CRYZL1: variants seen among roughly 807,000 people sequenced by gnomAD.
The protein encoded by CRYZL1 is crystallin zeta like 1, also known as ferry endosomal RAB5 effector complex subunit 4.
In CRYZL1, 34 loss-of-function variants were observed where a neutral mutation model predicts 50.6. The observed-to-expected ratio is 0.67, with a 90% confidence interval of 0.51 to 0.89. The LOEUF is 0.89. Among genes scored for constraint, CRYZL1 ranks in the 40% least tolerant of loss-of-function variants. The pLI is 0.00. For missense variants in CRYZL1, 354 were observed against 402.3 expected, an observed-to-expected ratio of 0.88 and a Z score of 1.03; for synonymous variants, 125 against 134.3, an observed-to-expected ratio of 0.93 and a Z score of 0.48.
At chr21:33,621,972 A>G (rs1279128863) in intron 4 of CRYZL1, 24 bp downstream of exon 4, 14 of 1,507,104 alleles carry the variant, frequency 9.3e-6, no homozygotes, top group Non-Finnish European at 1.3e-5. Context: ...AAATAAATAC[A>G]TATACTCACA....
At chr21:33,613,748 A>C in intron 5 of CRYZL1, 142 bp from the exon 6 acceptor site, 1 of 640,856 alleles carries the variant, frequency 1.6e-6, no homozygotes, top group Non-Finnish European at 2.8e-6. Flanking sequence ...AAAATTCAGA[A>C]ATGGGATGGG....
chr21:33,632,329 T>C (rs1303414557), intron 1 of CRYZL1, among the ~76,000 whole-genome samples: 1 of 151,954 alleles, frequency 6.6e-6, no homozygotes, highest in Non-Finnish European at 1.5e-5. Flanking sequence ...CGAAACTCTG[T>C]CTCAAAAAAA....
rs560258085 is a variant in CRYZL1 at position 33,601,906 on chromosome 21, G to T, written c.577+328C>A. On this transcript the variant is annotated intron_variant, in intron 8 of 12. Transcript: ENST00000381554. ...GTACTCCAGCTGGGTGACACAGTGA[G>T]ACCCTGTTTCAAAAAAAAAAAAAAA... 1.5e-4 allele frequency among the ~76,000 whole-genome samples: 21 copies of T among 141,664 alleles called. No homozygotes were observed. In the South Asian group the frequency reaches 4.7e-3, roughly 32 times the overall value. The allele number at this position is 141,664 out of a possible 152,430, so 92.9% of individuals were successfully genotyped here. A position where few individuals can be genotyped will look rare whatever the true frequency, so the allele number is the denominator to read the frequency against.
rs975597987 is a variant in CRYZL1 at position 33,595,815 on chromosome 21, A to G, written c.820T>C (p.Cys274Arg). Residue 274 changes from cysteine (C) to arginine (R), a missense_variant, in exon 11 of 13, where the codon TGC (cysteine) becomes CGC (arginine). Transcript: ENST00000381554. ...AACGTTGCTCCCTTGAGGAAAAGGC[A>G]GTGGCTATCTGGAGGATCCAACTTG... ...NLQLDPPDSH[C>R]LFLKGATLAF... is the part of the protein sequence containing the mutation. 1 of 1,613,584 alleles carries G rather than the reference A, an allele frequency of 6.2e-7. No individual in the cohort carries two copies. Among genetic ancestry groups the G allele is most frequent in the South Asian group, 1.1e-5 (1 of 91,080 alleles).
intron 11 of CRYZL1, among the ~76,000 whole-genome samples, chr21:33,592,541 A>G (rs1047181452): frequency 5.9e-5 from 9 of 152,202 alleles, no homozygotes; most frequent in African/African-American, 2.2e-4. Flanking sequence ...TGATGTAAAA[A>G]TCAAAGAAAA....
At chr21:33,600,327 A>T (rs931542071) in intron 8 of CRYZL1, among the ~76,000 whole-genome samples, 2 of 152,222 alleles carry the variant, frequency 1.3e-5, no homozygotes, top group African/African-American at 4.8e-5. Context: ...AAAGGATATT[A>T]GTAGTATCCT....
At chr21:33,620,866 A>G (rs774336078) in intron 4 of CRYZL1, among the ~76,000 whole-genome samples, 5 of 145,740 alleles carry the variant, frequency 3.4e-5, no homozygotes, top group African/African-American at 5.1e-5. Flanking sequence ...AAAGCCAGGC[A>G]TAATGTCGTG....
At chr21:33,605,205 T>C (rs1224070931) in intron 6 of CRYZL1, among the ~76,000 whole-genome samples, 2 of 152,216 alleles carry the variant, frequency 1.3e-5, no homozygotes, top group Non-Finnish European at 2.9e-5. Flanking sequence ...GAATTCTTTA[T>C]ATATTCTAGA....
intron 4 of CRYZL1, among the ~76,000 whole-genome samples, chr21:33,617,731 A>G (rs1441959899): frequency 3.9e-5 from 6 of 152,130 alleles, no homozygotes; most frequent in Non-Finnish European, 8.8e-5. Context: ...GGATTTTCAC[A>G]ATGCTTTTCC....
chr21:33,631,922 C>T (rs181205723), intron 1 of CRYZL1, among the ~76,000 whole-genome samples: 337 of 152,176 alleles, frequency 2.2e-3, no homozygotes, highest in Non-Finnish European at 3.9e-3. Flanking sequence ...GAAAGGCTTT[C>T]GAAGTCTTAA....
chr21:33,613,244 G>T (rs1397200376), intron 6 of CRYZL1, among the ~76,000 whole-genome samples: 5 of 152,070 alleles, frequency 3.3e-5, no homozygotes. Context: ...TTCTGATTAG[G>T]TATATAATTT....
chr21:33,634,880 AATATAT>A (rs10599845), intron 1 of CRYZL1, among the ~76,000 whole-genome samples: 387 of 144,346 alleles, frequency 2.7e-3, no homozygotes, highest in African/African-American at 7.8e-3. Context: ...CAACAACAAC[AATATAT>A]ATATATATAT....
At chr21:33,624,516 T>A (rs1187782913) in intron 3 of CRYZL1, among the ~76,000 whole-genome samples, 167 bp downstream of exon 3, 1 of 152,182 alleles carries the variant, frequency 6.6e-6, no homozygotes, top group Non-Finnish European at 1.5e-5. Flanking sequence ...ACCACTGCAC[T>A]CCAGCCTGGG....
Position 33,599,264 on chromosome 21 carries a change from A to C in CRYZL1, c.578-16T>G, listed in dbSNP as rs1487784112. The C allele has an allele frequency of 1.2e-6, 2 of 1,613,968 alleles. No homozygotes were observed. Among genetic ancestry groups the C allele is most frequent in the South Asian group, 1.1e-5 (1 of 91,074 alleles). On this transcript the variant is annotated splice_polypyrimidine_tract_variant and intron_variant, in intron 8 of 12. Transcript: ENST00000381554. ...ATCACTCGGGCTGTAAAGGACAGGAAATCAGGCAATTGTACTGTTCTCTAT... is the reference window on the plus strand; with the variant it reads ...ATCACTCGGGCTGTAAAGGACAGGACATCAGGCAATTGTACTGTTCTCTAT...
intron 4 of CRYZL1, among the ~76,000 whole-genome samples, chr21:33,621,410 C>T (rs1363343803): frequency 5.3e-5 from 8 of 151,274 alleles, no homozygotes; most frequent in African/African-American, 1.7e-4. Flanking sequence ...GGCGCCATCT[C>T]GGCTCACTGC....
chr21:33,611,272 A>G (rs1305716614), intron 6 of CRYZL1, among the ~76,000 whole-genome samples: 2 of 152,214 alleles, frequency 1.3e-5, no homozygotes, highest in Non-Finnish European at 1.5e-5. Context: ...GGTATTTGAA[A>G]GAGGTCTTTA....
intron 5 of CRYZL1, among the ~76,000 whole-genome samples, chr21:33,614,760 C>G (rs1241037402): frequency 5.9e-5 from 9 of 152,000 alleles, no homozygotes; most frequent in Non-Finnish European, 1.3e-4. Context: ...TTAGTAGAGA[C>G]ACAGTTTCAC....
chr21:33,592,123 G>A (rs902314937), intron 11 of CRYZL1, among the ~76,000 whole-genome samples: 6 of 146,324 alleles, frequency 4.1e-5, no homozygotes, highest in Non-Finnish European at 6.0e-5. Flanking sequence ...TTTTATTGTC[G>A]TATTATTACT....
At chr21:33,602,432 T>C (rs938377443) in intron 7 of CRYZL1, 87 bp from the exon 8 acceptor site, 7 of 520,666 alleles carry the variant, frequency 1.3e-5, no homozygotes, top group African/African-American at 3.9e-5. Context: ...TAATAAAGTA[T>C]AATTCTTTAG....
Sources: allele counts gnomAD v4.1 joint callset (sites outside exome capture counted in the v4.1 genomes callset), GRCh38; gene constraint gnomAD v4.1.1; transcripts MANE v1.5; gene names NCBI Gene and HGNC (gene_info 2026-07-23, HGNC 2026-07-21).